Variants in NECTIN1 observed in about 807,000 individuals in gnomAD.
NECTIN1 encodes the protein nectin-1.
NECTIN1 carries 23 observed loss-of-function variants against 48.0 expected under a neutral mutation model. The ratio of observed to expected loss-of-function variants is 0.48; its 90% CI spans 0.34 to 0.68. The LOEUF (loss-of-function observed/expected upper bound fraction) is 0.68. Among genes scored for constraint, NECTIN1 ranks in the 30% least tolerant of loss-of-function variants. The probability of loss-of-function intolerance (pLI) is 0.01; values close to 1 mark genes in which losing one functional copy is unlikely to be tolerated. For missense variants in NECTIN1, 591 were observed against 709.9 expected, an observed-to-expected ratio of 0.83 and a Z score of 1.90; for synonymous variants, 270 against 288.9, an observed-to-expected ratio of 0.93 and a Z score of 0.66.
exon 6 of NECTIN1, chr11:119,639,867 G>A (rs777615421): frequency 3.1e-5 from 50 of 1,613,982 alleles, no homozygotes; most frequent in African/African-American, 1.6e-4. Context: ...TGGCTCACCC[G>A]GCCCCATCCG....
At chr11:119,656,142 C>T (rs548203731), downstream of NECTIN1, among the ~76,000 whole-genome samples, 1 of 152,274 alleles carries the variant, frequency 6.6e-6, no homozygotes, top group South Asian at 2.1e-4. Flanking sequence ...GCGATCCTCC[C>T]ACCTCAGGTC....
intron 5 of NECTIN1, among the ~76,000 whole-genome samples, chr11:119,647,112 G>C (rs1245650929): frequency 6.7e-6 from 1 of 150,162 alleles, no homozygotes; most frequent in African/African-American, 2.5e-5. Flanking sequence ...ACCCCCAACT[G>C]GTCTAGGCCT....
intron 1 of NECTIN1, among the ~76,000 whole-genome samples, chr11:119,716,312 C>T (rs1003780839): frequency 5.9e-5 from 9 of 152,118 alleles, no homozygotes; most frequent in African/African-American, 1.2e-4. Context: ...CCCCAGGGAA[C>T]GGACCCTCCT....
chr11:119,716,132 G>A (rs1161305128), intron 1 of NECTIN1, among the ~76,000 whole-genome samples: 1 of 152,182 alleles, frequency 6.6e-6, no homozygotes, highest in Non-Finnish European at 1.5e-5. Context: ...CTGCCCAGGT[G>A]ATCATCTGGG....
chr11:119,655,801 G>T (rs1464640314), intron 5 of NECTIN1, among the ~76,000 whole-genome samples: 2 of 152,142 alleles, frequency 1.3e-5, no homozygotes, highest in Non-Finnish European at 2.9e-5. Context: ...ACTTTGAGAG[G>T]TAATGAATTG....
At chr11:119,720,178 G>A (rs765964363) in intron 1 of NECTIN1, among the ~76,000 whole-genome samples, 6 of 152,242 alleles carry the variant, frequency 3.9e-5, no homozygotes, top group Non-Finnish European at 4.4e-5. Context: ...CCCACATGAC[G>A]TGGTGGCAGA....
chr11:119,679,999 T>A (rs1865030208), intron 1 of NECTIN1, among the ~76,000 whole-genome samples: 1 of 152,238 alleles, frequency 6.6e-6, no homozygotes, highest in South Asian at 2.1e-4. Flanking sequence ...GGGCAGGGTC[T>A]GTCCTTTCCA....
rs1057135699 is a variant in NECTIN1 at position 119,679,681 on chromosome 11, C to T, written c.80-916G>A. 6.6e-5 allele frequency among the ~76,000 whole-genome samples: 10 copies of T among 152,150 alleles called. No homozygotes were observed. The East Asian group carries it at 1.5e-3, about 24-fold the overall frequency. ...TCCCATTTATTCAGCCACGATTTGC[C>T]GAGTGACATATTCCAGGATCTAGTG... On this transcript the variant is annotated intron_variant, in intron 1 of 5. Coordinates refer to ENST00000264025, the MANE Select transcript of NECTIN1 (RefSeq NM_002855.5).
chr11:119,664,185 G>C lies in NECTIN1; in HGVS notation c.*562C>G. 1 of 986,604 alleles carries C rather than the reference G, an allele frequency of 1.0e-6. No homozygotes were observed. The highest frequency in any genetic ancestry group is 1.2e-6 in the Non-Finnish European group (1 of 830,524). 61.1% of individuals were successfully genotyped at this position (986,604 alleles called of 1,614,324 possible). ...ACTCCCTGGGAACTGGGGAGAAGCC[G>C]CACCCCTCCCCCTACCTCTTGGGCG... is the stretch of plus-strand genomic sequence containing the variant. On this transcript the variant is annotated 3_prime_UTR_variant, in exon 6 of 6. Transcript: ENST00000264025.
chr11:119,715,886 AG>A (rs1421717520), intron 1 of NECTIN1, among the ~76,000 whole-genome samples: 2 of 152,304 alleles, frequency 1.3e-5, no homozygotes, highest in East Asian at 3.9e-4. Context: ...CAGAGGTCAG[AG>A]CGTGGATGCC....
At chr11:119,688,340 A>T (rs567934667) in intron 1 of NECTIN1, among the ~76,000 whole-genome samples, 40 of 152,174 alleles carry the variant, frequency 2.6e-4, no homozygotes, top group Admixed American at 3.3e-4. Flanking sequence ...CCTGATTCCC[A>T]TCCCGGCTCT....
chr11:119,726,193 A>T (rs146701339), intron 1 of NECTIN1, among the ~76,000 whole-genome samples: 27 of 152,332 alleles, frequency 1.8e-4, no homozygotes, highest in African/African-American at 6.5e-4. Context: ...TGAAAAGAGC[A>T]TCAGACTGGC....
chr11:119,719,873 C>T (rs553087027), intron 1 of NECTIN1, among the ~76,000 whole-genome samples: 1 of 152,306 alleles, frequency 6.6e-6, no homozygotes, highest in African/African-American at 2.4e-5. Context: ...TTATCCTTAG[C>T]TTGCGGGGGG....
intron 5 of NECTIN1, among the ~76,000 whole-genome samples, chr11:119,652,776 T>C (rs1342298647): frequency 6.6e-6 from 1 of 152,174 alleles, no homozygotes; most frequent in Non-Finnish European, 1.5e-5. Flanking sequence ...TGATTGTATC[T>C]ACTAACCCTA....
At chr11:119,726,246 C>T (rs775069929) in intron 1 of NECTIN1, among the ~76,000 whole-genome samples, 4 of 152,152 alleles carry the variant, frequency 2.6e-5, no homozygotes, top group Non-Finnish European at 5.9e-5. Context: ...GGGAGGAAGC[C>T]AGCAGGTGAT....
chr11:119,663,029 G>GAAGGGA lies in NECTIN1; in HGVS notation c.*1717_*1718insTCCCTT, dbSNP rs1555076841. On this transcript the variant is annotated 3_prime_UTR_variant, in exon 6 of 6. Transcript: ENST00000264025. Reference sequence around the variant, plus strand: ...AATAGCAGCACCAGGGAGGGGAGGGGAGGGGTTGGGGGGCTCCCTTAGGAA... The same window carrying GAAGGGA: ...AATAGCAGCACCAGGGAGGGGAGGGGAAGGGAAGGGGTTGGGGGGCTCCCTTAGGAA... 2.1e-6 allele frequency: 2 copies of GAAGGGA among 950,252 alleles called. No homozygotes were observed. Among genetic ancestry groups the GAAGGGA allele is most frequent in the African/African-American group, 3.6e-5 (2 of 56,306 alleles). 58.9% of individuals were successfully genotyped at this position (950,252 alleles called of 1,614,324 possible). A position where few individuals can be genotyped will look rare whatever the true frequency, so the allele number is the denominator to read the frequency against.
chr11:119,718,362 C>T (rs140858560), intron 1 of NECTIN1, among the ~76,000 whole-genome samples: 78 of 152,336 alleles, frequency 5.1e-4, no homozygotes, highest in Middle Eastern at 3.4e-3. Flanking sequence ...CTGTCCTGAT[C>T]CTGCCTGGGG....
chr11:119,691,505 G>A (rs773570497), intron 1 of NECTIN1, among the ~76,000 whole-genome samples: 43 of 152,238 alleles, frequency 2.8e-4, no homozygotes, highest in East Asian at 9.6e-4. Flanking sequence ...CAGGGGGCAC[G>A]GTGCTGCCCA....
chr11:119,664,417 C>T lies in NECTIN1; in HGVS notation c.*330G>A. On this transcript the variant is annotated 3_prime_UTR_variant, in exon 6 of 6. Coordinates refer to ENST00000264025, the MANE Select transcript of NECTIN1 (RefSeq NM_002855.5). ...GGCGGGGGAGGCTGGCTCCCCAAAC[C>T]CTGGAGGGATGCCCAGGTACACAAG... The T allele has an allele frequency of 8.9e-7, 1 of 1,129,274 alleles. No homozygotes were observed. The highest frequency in any genetic ancestry group is 1.1e-6 in the Non-Finnish European group (1 of 919,998). 70.0% of individuals were successfully genotyped at this position (1,129,274 alleles called of 1,614,324 possible).
Sources: allele counts gnomAD v4.1 joint callset (sites outside exome capture counted in the v4.1 genomes callset), GRCh38; gene constraint gnomAD v4.1.1; transcripts MANE v1.5; gene names NCBI Gene and HGNC (gene_info 2026-07-23, HGNC 2026-07-21).